ARSF: variants seen among roughly 807,000 people sequenced by gnomAD.
The protein encoded by ARSF is arylsulfatase F.
In ARSF, 33 loss-of-function variants were observed where a neutral mutation model predicts 35.4. The ratio of observed to expected loss-of-function variants is 0.93; its 90% CI spans 0.71 to 1.25. The LOEUF (loss-of-function observed/expected upper bound fraction) is 1.25. Among genes scored for constraint, ARSF ranks in the 50% most tolerant of loss-of-function variants. The probability of loss-of-function intolerance (pLI) is 0.00; values close to 1 mark genes in which losing one functional copy is unlikely to be tolerated. For missense variants in ARSF, 501 were observed against 480.2 expected (o/e 1.04, Z -0.40); for synonymous variants, 222 against 193.1 (o/e 1.15, Z -1.24).
intron 6 of ARSF, among the ~76,000 whole-genome samples, chrX:3,085,695 T>C (rs1488659341): frequency 1.8e-5 from 2 of 111,369 alleles, no homozygotes; most frequent in African/African-American, 6.5e-5. Flanking sequence ...TCTTTACCAA[T>C]AGCCATTCTA....
rs1361001681 is a variant in ARSF at position 3,084,351 on chromosome X, G to A, written c.515G>A (p.Ser172Asn). The change falls in exon 6 of 11, where the codon AGC becomes AAC. Residue 172 changes from serine (S) to asparagine (N), a missense_variant. Coordinates refer to ENST00000381127, the MANE Select transcript of ARSF (RefSeq NM_001201539.2). ...GGCATGCCGTTCACTCTCGTTGACA[G>A]CTGCTGGCCGGACCCCTCTCGTAAC... ...YYGMPFTLVD[S>N]CWPDPSRNTE... The A allele has an allele frequency of 8.3e-7, 1 of 1,211,730 alleles. No homozygotes were observed. Among genetic ancestry groups the A allele is most frequent in the Non-Finnish European group, 1.1e-6 (1 of 895,572 alleles).
intron 1 of ARSF, among the ~76,000 whole-genome samples, chrX:3,047,652 G>T (rs1294988224): frequency 9.1e-5 from 10 of 110,007 alleles, no homozygotes; most frequent in Non-Finnish European, 1.9e-4. Flanking sequence ...CCACTACAAG[G>T]TCTGTTTATC....
intron 1 of ARSF, among the ~76,000 whole-genome samples, chrX:3,058,888 T>G (rs1473800336): frequency 9.0e-6 from 1 of 111,502 alleles, no homozygotes; most frequent in Non-Finnish European, 1.9e-5. Flanking sequence ...AAGAGATTAG[T>G]AAATTCTTTA....
intron 8 of ARSF, among the ~76,000 whole-genome samples, chrX:3,101,542 TTTATGAGA>T (rs1214111794): frequency 9.0e-6 from 1 of 111,375 alleles, no homozygotes; most frequent in Non-Finnish European, 1.9e-5. Flanking sequence ...ATTCATTCCA[TTTATGAGA>T]TTATTGAGAG....
chrX:3,082,120 C>T (rs1396240180), intron 5 of ARSF, among the ~76,000 whole-genome samples: 1 of 111,293 alleles, frequency 9.0e-6, no homozygotes, highest in Non-Finnish European at 1.9e-5. Flanking sequence ...TTATCGCAGC[C>T]TCTGAGGGTT....
chrX:3,044,462 G>A (rs1250889134), intron 1 of ARSF, among the ~76,000 whole-genome samples: 3 of 110,992 alleles, frequency 2.7e-5, no homozygotes, highest in Non-Finnish European at 3.8e-5. Context: ...TTTGGACACC[G>A]ACTTCTTGTT....
intron 1 of ARSF, among the ~76,000 whole-genome samples, chrX:3,056,001 T>A (rs1199362694): frequency 1.8e-5 from 2 of 111,700 alleles, no homozygotes; most frequent in Admixed American, 9.6e-5. Context: ...GCCCGGGCTG[T>A]AGAACAGTGG....
chrX:3,097,483 T>A (rs1178035304), intron 7 of ARSF, among the ~76,000 whole-genome samples: 1 of 111,640 alleles, frequency 9.0e-6, no homozygotes, highest in Non-Finnish European at 1.9e-5. Flanking sequence ...ATCAGCAAAA[T>A]TTTAAACATC....
At chrX:3,094,569 G>T (rs1388090553) in intron 7 of ARSF, among the ~76,000 whole-genome samples, 1 of 112,102 alleles carries the variant, frequency 8.9e-6, no homozygotes, top group African/African-American at 3.2e-5. Context: ...CTGAAGAGCA[G>T]GTTTCTCAAG....
chrX:3,079,742 T>C (rs1339137735), intron 4 of ARSF, among the ~76,000 whole-genome samples: 1 of 107,570 alleles, frequency 9.3e-6, no homozygotes, highest in Non-Finnish European at 1.9e-5. Flanking sequence ...GGCAGATCAG[T>C]TGAGGCCAGG....
chrX:3,053,330 T>A (rs1229998776), intron 1 of ARSF, among the ~76,000 whole-genome samples: 1 of 91,683 alleles, frequency 1.1e-5, no homozygotes, highest in Non-Finnish European at 2.2e-5. Flanking sequence ...ATCCACAACT[T>A]TTTTTTTTTT....
In ARSF at chrX:3,070,938, G is replaced by GGTGT. The variant is rs36129786; in HGVS notation, c.12-1057_12-1054dup. Among the ~76,000 whole-genome samples, 876 of 95,163 alleles carry GGTGT rather than the reference G, an allele frequency of 9.2e-3. 5 individuals are homozygous for GGTGT. The highest frequency in any genetic ancestry group is 0.023 in the African/African-American group (591 of 25,888). The allele number at this position is 95,163 out of a possible 115,157, so 82.6% of individuals were successfully genotyped here. The stretch of plus-strand genomic sequence containing the variant: ...TTTTTATGGCTGAGTAGTATTCCAT[G>GGTGT]GTGTGTGTGTGTGTGTGTGTGTGTG... On this transcript the variant is annotated intron_variant, in intron 2 of 10. Coordinates refer to ENST00000381127, the MANE Select transcript of ARSF (RefSeq NM_001201539.2).
intron 4 of ARSF, among the ~76,000 whole-genome samples, chrX:3,078,751 C>T (rs756164717): frequency 8.1e-5 from 9 of 111,544 alleles, no homozygotes; most frequent in Admixed American, 4.8e-4. Flanking sequence ...CGGCCCACCT[C>T]GGCCTCCCAA....
intron 1 of ARSF, among the ~76,000 whole-genome samples, chrX:3,055,587 G>A (rs1172547435): frequency 9.0e-6 from 1 of 111,207 alleles, no homozygotes; most frequent in Non-Finnish European, 1.9e-5. Context: ...GGTACTAGCC[G>A]TCATAGCACA....
intron 1 of ARSF, among the ~76,000 whole-genome samples, chrX:3,047,770 G>A (rs1284876913): frequency 9.0e-6 from 1 of 110,767 alleles, no homozygotes; most frequent in African/African-American, 3.3e-5. Context: ...GCTTAATGAT[G>A]ACCGGGATAT....
At chrX:3,070,508 G>A (rs935022796) in intron 2 of ARSF, among the ~76,000 whole-genome samples, 4 of 111,038 alleles carry the variant, frequency 3.6e-5, no homozygotes, top group Admixed American at 9.6e-5. Context: ...TATCGTCTCC[G>A]TCCTCTGCAA....
chrX:3,058,464 C>G, intron 1 of ARSF: 2 of 242,669 alleles, frequency 8.2e-6, no homozygotes, highest in East Asian at 2.5e-4. Context: ...AAGCGATCCC[C>G]CACCTCAGTC....
At chrX:3,048,832 T>C (rs2089985479) in intron 1 of ARSF, among the ~76,000 whole-genome samples, 1 of 112,422 alleles carries the variant, frequency 8.9e-6, no homozygotes, top group South Asian at 3.7e-4. Context: ...TGAAGAACTG[T>C]GAAGCTCATA....
intron 1 of ARSF, among the ~76,000 whole-genome samples, chrX:3,047,512 A>C (rs954282515): frequency 4.5e-5 from 5 of 111,159 alleles, no homozygotes; most frequent in African/African-American, 1.6e-4. Flanking sequence ...ACAGAAAGAA[A>C]GAGCATGTTT....
Sources: allele counts gnomAD v4.1 joint callset (sites outside exome capture counted in the v4.1 genomes callset), GRCh38; gene constraint gnomAD v4.1.1; transcripts MANE v1.5; gene names NCBI Gene and HGNC (gene_info 2026-07-23, HGNC 2026-07-21).